The following AFF3 variants were observed in gnomAD, a reference collection of about 807,000 sequenced individuals.
AFF3 encodes ALF transcription elongation factor 3, also known as AF4/FMR2 family member 3.
A neutral mutation model predicts 129.7 loss-of-function variants in AFF3; 32 were observed. The observed-to-expected ratio is 0.25, with a 90% CI of 0.19 to 0.33. AFF3 has a LOEUF of 0.33. Among genes scored for constraint, AFF3 ranks in the 10% least tolerant of loss-of-function variants. AFF3 has a pLI of 1.00. For synonymous variants in AFF3, 644 were observed against 635.4 expected (o/e 1.01, Z -0.20); for missense variants, 1,373 against 1,592.0 (o/e 0.86, Z 2.34).
intron 13 of AFF3, among the ~76,000 whole-genome samples, chr2:99,614,066 G>A (rs1681187704): frequency 1.3e-5 from 2 of 152,260 alleles, no homozygotes; most frequent in Admixed American, 6.5e-5. Context: ...GTTTTGAGCC[G>A]ATTTGGAAAA....
intron 8 of AFF3, among the ~76,000 whole-genome samples, chr2:99,790,425 T>C (rs766021429): frequency 2.0e-4 from 31 of 152,256 alleles, no homozygotes; most frequent in Non-Finnish European, 3.7e-4. Flanking sequence ...TCCTAGTGAA[T>C]GAATGAAAGA....
chr2:99,975,202 G>C (rs1678756619), intron 7 of AFF3, among the ~76,000 whole-genome samples: 1 of 152,186 alleles, frequency 6.6e-6, no homozygotes. Context: ...GCAAGTGAGG[G>C]ATACACGGTT....
intron 7 of AFF3, among the ~76,000 whole-genome samples, chr2:99,983,876 A>G (rs191717770): frequency 2.8e-4 from 42 of 152,314 alleles, no homozygotes; most frequent in Non-Finnish European, 5.3e-4. Context: ...ATTAATGTAA[A>G]TAACATTAGT....
intron 7 of AFF3, among the ~76,000 whole-genome samples, chr2:99,909,934 T>C (rs1456976045): frequency 3.9e-5 from 6 of 152,182 alleles, no homozygotes; most frequent in African/African-American, 4.8e-5. Flanking sequence ...CAAAAGTTCA[T>C]GTGTTGAAGT....
rs1676661986 is a variant in AFF3, at chr2:99,956,468, T to A, written c.873+50164A>T. Reference sequence around the variant, plus strand: ...GGGGGGGCTGTTTGTTACCGAAGCATAACTTAAGCATAAGCTGACTGACAC... The same window carrying A: ...GGGGGGGCTGTTTGTTACCGAAGCAAAACTTAAGCATAAGCTGACTGACAC... On this transcript the variant is annotated intron_variant, in intron 7 of 24. Transcript: ENST00000672756. Among the ~76,000 whole-genome samples, 4 of 152,164 alleles carry A rather than the reference T, an allele frequency of 2.6e-5. No homozygotes were observed. In the South Asian group the frequency reaches 8.3e-4, roughly 32 times the overall value.
chr2:99,850,264 T>C (rs778591043), intron 7 of AFF3, among the ~76,000 whole-genome samples: 14 of 152,214 alleles, frequency 9.2e-5, no homozygotes, highest in Non-Finnish European at 1.5e-4. Context: ...CTCTGAGTCA[T>C]AATTGTGTGT....
intron 7 of AFF3, among the ~76,000 whole-genome samples, chr2:99,990,807 C>T (rs540640293): frequency 2.0e-5 from 3 of 152,028 alleles, no homozygotes; most frequent in South Asian, 2.1e-4. Context: ...GGTATGGATA[C>T]GGAAAAAGAA....
intron 11 of AFF3, among the ~76,000 whole-genome samples, chr2:99,673,810 G>A (rs1476957982): frequency 6.6e-6 from 1 of 152,210 alleles, no homozygotes; most frequent in East Asian, 1.9e-4. Flanking sequence ...GAACTGGGGG[G>A]TAAAGAACTG....
chr2:99,954,593 T>C lies in AFF3; in HGVS notation c.873+52039A>G, dbSNP rs557991292. The stretch of plus-strand genomic sequence containing the variant: ...TGGAATACTATGCAGCCATAAAAAA[T>C]GATGAGTTCATGTCCTTTGTAGGGG... On this transcript the variant is annotated intron_variant, in intron 7 of 24. Transcript: ENST00000672756. Among the ~76,000 whole-genome samples the C allele has an allele frequency of 2.0e-5, 3 of 151,890 alleles. No homozygotes were observed. In the East Asian group the frequency reaches 5.8e-4, roughly 29 times the overall value.
At position 100,100,474 on chromosome 2, in the gene AFF3, G is replaced by A. The variant is rs202233225; in HGVS notation, c.53+3928C>T. The stretch of plus-strand genomic sequence containing the variant: ...CCCACCCACACCATCTGTCTTCCAA[G>A]ACTTAGTTCAAAGGCCACCTATTTC... On this transcript the variant is annotated intron_variant, in intron 4 of 24. Coordinates refer to ENST00000672756, the MANE Select transcript of AFF3 (RefSeq NM_001386135.1). Among the ~76,000 whole-genome samples, 282 of 151,936 alleles carry A rather than the reference G, an allele frequency of 1.9e-3. 5 individuals carry two copies. In the East Asian group the frequency reaches 0.04, roughly 21 times the overall value.
intron 13 of AFF3, among the ~76,000 whole-genome samples, chr2:99,634,927 C>T (rs77826402): frequency 0.062 from 9,200 of 149,386 alleles, 402 homozygotes; most frequent in East Asian, 0.12. Flanking sequence ...CAGACTTGTG[C>T]TGTGAGCACG....
At chr2:100,057,127 C>T (rs920413104) in intron 4 of AFF3, among the ~76,000 whole-genome samples, 3 of 152,042 alleles carry the variant, frequency 2.0e-5, no homozygotes, top group South Asian at 2.1e-4. Context: ...TCGAGACCAG[C>T]GTGGCCAACA....
Position 99,927,277 on chromosome 2 carries a change from CAT to C in AFF3, c.873+79353_873+79354del, listed in dbSNP as rs1418825322. On this transcript the variant is annotated intron_variant, in intron 7 of 24. Transcript: ENST00000672756. The stretch of plus-strand genomic sequence containing the variant: ...TGAAAAGTACTAAGTGTCATGCACA[CAT>C]GTGTCCATTGCAGCACTATTCATAA... Among the ~76,000 whole-genome samples, 8 of 152,328 alleles carry C rather than the reference CAT, an allele frequency of 5.3e-5. No individual in the cohort carries two copies. The East Asian group carries it at 9.6e-4, about 18-fold the overall frequency.
chr2:99,680,077 T>C (rs965402089), intron 11 of AFF3, among the ~76,000 whole-genome samples: 2 of 152,300 alleles, frequency 1.3e-5, no homozygotes, highest in Non-Finnish European at 1.5e-5. Context: ...GTTTGTGTGA[T>C]TGTGAAAATA....
At chr2:99,661,536 T>C (rs1483857240) in intron 12 of AFF3, among the ~76,000 whole-genome samples, 1 of 152,238 alleles carries the variant, frequency 6.6e-6, no homozygotes, top group Non-Finnish European at 1.5e-5. Context: ...AGGCTGAAAC[T>C]AGGCATATCC....
chr2:100,098,934 C>T (rs75673535), intron 4 of AFF3, among the ~76,000 whole-genome samples: 7,332 of 112,148 alleles, frequency 0.065, 517 homozygotes, highest in Middle Eastern at 0.14. Context: ...GCAGCCCCTT[C>T]CCCACTGCTG....
At chr2:99,558,808 G>A (rs1309687905) in intron 22 of AFF3, 67 bp downstream of exon 22, 12 of 1,486,174 alleles carry the variant, frequency 8.1e-6, no homozygotes, top group Admixed American at 1.7e-5. Flanking sequence ...TCTACCAGGT[G>A]CTTCACAAAT....
intron 8 of AFF3, among the ~76,000 whole-genome samples, chr2:99,788,292 C>CTCT (rs1390054651): frequency 6.6e-6 from 1 of 151,960 alleles, no homozygotes; most frequent in Non-Finnish European, 1.5e-5. Flanking sequence ...ATGAGGTATC[C>CTCT]AGAAGAAGGC....
At chr2:99,642,368 T>C (rs1306234569) in intron 13 of AFF3, among the ~76,000 whole-genome samples, 1 of 152,128 alleles carries the variant, frequency 6.6e-6, no homozygotes, top group African/African-American at 2.4e-5. Flanking sequence ...CCCCTGTGTG[T>C]TTGGATTCTA....
Sources: allele counts gnomAD v4.1 joint callset (sites outside exome capture counted in the v4.1 genomes callset), GRCh38; gene constraint gnomAD v4.1.1; transcripts MANE v1.5; gene names NCBI Gene and HGNC (gene_info 2026-07-23, HGNC 2026-07-21).